Variants in SNX24 observed in about 807,000 individuals in gnomAD.
SNX24 encodes sorting nexin 24.
SNX24 carries 22 observed loss-of-function variants against 28.7 expected under a neutral mutation model. That is an observed-to-expected ratio of 0.77 (90% confidence interval 0.55 to 1.10). SNX24 has a LOEUF of 1.10. Ranked by LOEUF, SNX24 falls within the 50% of genes least tolerant of loss-of-function variation. The pLI, the probability that SNX24 is intolerant of heterozygous loss-of-function variation, is 0.00. For synonymous variants in SNX24, 69 were observed against 71.5 expected (o/e 0.96, Z 0.18); for missense variants, 221 against 201.1 (o/e 1.10, Z -0.60).
chr5:122,877,098 CT>C (rs1469314307), intron 1 of SNX24, among the ~76,000 whole-genome samples: 1 of 152,038 alleles, frequency 6.6e-6, no homozygotes, highest in African/African-American at 2.4e-5. Flanking sequence ...AACCCTTAGA[CT>C]TTTGATGGGC....
chr5:122,900,017 GTTTT>G (rs373375184), intron 1 of SNX24, among the ~76,000 whole-genome samples: 2 of 150,724 alleles, frequency 1.3e-5, no homozygotes, highest in African/African-American at 4.9e-5. Context: ...TATGGTGTGG[GTTTT>G]TTTTTGTTTG....
intron 1 of SNX24, among the ~76,000 whole-genome samples, chr5:122,863,215 C>G (rs1755559763): frequency 6.6e-6 from 1 of 152,032 alleles, no homozygotes; most frequent in African/African-American, 2.4e-5. Flanking sequence ...ATCAGAGAAT[C>G]CTTCCCTGGG....
intron 1 of SNX24, among the ~76,000 whole-genome samples, chr5:122,853,115 CTTTTTTTTTTTTT>C (rs10530519): frequency 4.2e-5 from 3 of 71,588 alleles, no homozygotes; most frequent in African/African-American, 1.7e-4. Flanking sequence ...GTTCTTTAGC[CTTTTTTTTTTTTT>C]TTTTTTTTTT....
intron 3 of SNX24, among the ~76,000 whole-genome samples, chr5:122,986,183 G>T (rs973068902): frequency 6.6e-6 from 1 of 152,172 alleles, no homozygotes; most frequent in African/African-American, 2.4e-5. Flanking sequence ...GTTGTTCAAA[G>T]AAATACTGAG....
At chr5:123,023,815 C>CACACACACAA in intron 5 of SNX24, 1 of 1,555,622 alleles carries the variant, frequency 6.4e-7, no homozygotes, top group Non-Finnish European at 8.7e-7. Flanking sequence ...ACAACACACA[C>CACACACACAA]ACACACACAC....
At chr5:122,884,904 CAA>C (rs1283813628) in intron 1 of SNX24, among the ~76,000 whole-genome samples, 1 of 152,150 alleles carries the variant, frequency 6.6e-6, no homozygotes, top group African/African-American at 2.4e-5. Context: ...TTGTGGAAAA[CAA>C]AATGCATTTG....
downstream of SNX24, among the ~76,000 whole-genome samples, chr5:123,011,559 G>T (rs1029274960): frequency 6.6e-5 from 10 of 152,214 alleles, no homozygotes; most frequent in Admixed American, 3.3e-4. Flanking sequence ...ATAACAGATG[G>T]TTTTCATCTC....
chr5:123,024,165 T>C (rs1379899718), intron 5 of SNX24, among the ~76,000 whole-genome samples: 3 of 151,676 alleles, frequency 2.0e-5, no homozygotes, highest in African/African-American at 7.3e-5. Context: ...GCACGCTAAC[T>C]GTGGAAAACT....
chr5:122,994,852 A>G (rs1361567494), intron 3 of SNX24, among the ~76,000 whole-genome samples: 1 of 152,206 alleles, frequency 6.6e-6, no homozygotes, highest in Non-Finnish European at 1.5e-5. Flanking sequence ...TGTAAAGAAA[A>G]ATAATTTTTT....
chr5:122,979,822 C>A (rs1761322335), intron 3 of SNX24, among the ~76,000 whole-genome samples: 1 of 152,180 alleles, frequency 6.6e-6, no homozygotes, highest in African/African-American at 2.4e-5. Flanking sequence ...TGCTGACAGC[C>A]CACCTTTCCA....
intron 4 of SNX24, among the ~76,000 whole-genome samples, chr5:123,000,391 A>T (rs545020249): frequency 6.6e-6 from 1 of 152,344 alleles, no homozygotes; most frequent in South Asian, 2.1e-4. Flanking sequence ...TAAAGTTATG[A>T]ATGATCTTAG....
intron 1 of SNX24, among the ~76,000 whole-genome samples, chr5:122,915,894 C>T (rs1448998845): frequency 2.0e-5 from 3 of 152,192 alleles, no homozygotes; most frequent in Admixed American, 2.0e-4. Context: ...TCATATCCAC[C>T]GTCAACTCCC....
intron 1 of SNX24, among the ~76,000 whole-genome samples, chr5:122,872,647 A>G (rs772432106): frequency 3.3e-5 from 5 of 152,076 alleles, no homozygotes; most frequent in Non-Finnish European, 7.4e-5. Context: ...TACAATGTAA[A>G]TGCTATGTAA....
chr5:122,969,306 T>C lies in SNX24; in HGVS notation c.249+23147T>C, dbSNP rs540132836. ...CTAGATGAAGGGCCTCACTTCCACATAGCTGAAACCAGAGTGAATTCTAGT... is the reference window on the plus strand; with the variant it reads ...CTAGATGAAGGGCCTCACTTCCACACAGCTGAAACCAGAGTGAATTCTAGT... On this transcript the variant is annotated intron_variant, in intron 3 of 6. Transcript: ENST00000261369. Among the ~76,000 whole-genome samples, 11 of 152,296 alleles carry C rather than the reference T, an allele frequency of 7.2e-5. No homozygotes were observed. In the South Asian group the frequency reaches 2.1e-3, roughly 29 times the overall value.
At chr5:122,954,723 AT>A (rs1195769131) in intron 3 of SNX24, among the ~76,000 whole-genome samples, 3 of 59,210 alleles carry the variant, frequency 5.1e-5, no homozygotes, top group Non-Finnish European at 8.1e-5. Context: ...GTGGTTTCTG[AT>A]TTTTAAAAAA....
At chr5:122,971,571 C>T (rs574096783) in intron 3 of SNX24, among the ~76,000 whole-genome samples, 21 of 152,154 alleles carry the variant, frequency 1.4e-4, no homozygotes, top group Non-Finnish European at 2.8e-4. Context: ...ATTCTTCATG[C>T]AATCAGAAGC....
intron 5 of SNX24, among the ~76,000 whole-genome samples, chr5:123,016,683 C>A (rs906187371): frequency 2.0e-5 from 3 of 151,844 alleles, no homozygotes; most frequent in Non-Finnish European, 4.4e-5. Context: ...TGTATTGCAG[C>A]GCTATAAGTG....
At chr5:122,963,998 T>A (rs1760599439) in intron 3 of SNX24, among the ~76,000 whole-genome samples, 1 of 151,938 alleles carries the variant, frequency 6.6e-6, no homozygotes, top group South Asian at 2.1e-4. Context: ...ATCCCAGGAC[T>A]TCGGGAGGCT....
intron 5 of SNX24, among the ~76,000 whole-genome samples, chr5:123,025,603 T>C (rs1029973609): frequency 2.0e-5 from 3 of 152,214 alleles, no homozygotes; most frequent in Non-Finnish European, 4.4e-5. Context: ...AGTCCCTAGC[T>C]GCTGCGCCAA....
Sources: gnomAD v4.1 joint callset for allele counts (sites outside exome capture counted in the v4.1 genomes callset) on GRCh38, gnomAD v4.1.1 for gene constraint, MANE v1.5 for transcripts, NCBI Gene and HGNC (gene_info 2026-07-23, HGNC 2026-07-21) for gene names.